RIPOR2: variants seen among roughly 807,000 people sequenced by gnomAD.
RIPOR2 encodes rho family-interacting cell polarization regulator 2.
In RIPOR2, 39 loss-of-function variants were observed where a neutral mutation model predicts 114.5. That is an observed-to-expected ratio of 0.34 (90% CI 0.26 to 0.44). RIPOR2 has a LOEUF of 0.44. RIPOR2 is among the 20% of genes least tolerant of loss of function. RIPOR2 has a pLI of 1.00. For synonymous variants in RIPOR2, 445 were observed against 484.4 expected, an observed-to-expected ratio of 0.92 and a Z score of 1.07; for missense variants, 1,007 against 1,255.1, an observed-to-expected ratio of 0.80 and a Z score of 2.99.
chr6:24,931,942 T>C (rs1047051552), intron 1 of RIPOR2: 8 of 152,238 alleles, frequency 5.3e-5, no homozygotes, highest in Non-Finnish European at 1.0e-4. Context: ...TCTGTTCTGT[T>C]CTTGAAAGCA....
intron 1 of RIPOR2, among the ~76,000 whole-genome samples, chr6:25,014,037 G>A (rs888355920): frequency 4.6e-5 from 7 of 152,108 alleles, no homozygotes; most frequent in Non-Finnish European, 8.8e-5. Context: ...TCTCTCTTAC[G>A]GTTACCCCTC....
intron 1 of RIPOR2, among the ~76,000 whole-genome samples, chr6:25,001,968 G>T (rs1050367414): frequency 2.0e-5 from 3 of 151,802 alleles, no homozygotes; most frequent in African/African-American, 7.2e-5. Flanking sequence ...TCAGCCTCCC[G>T]AAGTGCTGGC....
chr6:24,987,293 A>C (rs549813347), intron 1 of RIPOR2, among the ~76,000 whole-genome samples: 1 of 152,322 alleles, frequency 6.6e-6, no homozygotes, highest in East Asian at 1.9e-4. Flanking sequence ...TGTGACTTAC[A>C]TGCCAGCAAG....
chr6:24,842,989 G>A lies in RIPOR2; in HGVS notation c.1730C>T (p.Ser577Phe). The part of the protein sequence containing the change: ...SVGGESEGCR[S>F]FLDGSLEDAF... Reference sequence around the variant, plus strand: ...ATCCTCTAAGCTTCCATCTAGAAAGGATCTGCAGCCTTCAGATTCTCCACC... The same window carrying A: ...ATCCTCTAAGCTTCCATCTAGAAAGAATCTGCAGCCTTCAGATTCTCCACC... Residue 577 changes from serine to phenylalanine, a missense_variant, in exon 13 of 22, where the codon TCC (serine) becomes TTC (phenylalanine). Transcript: ENST00000643898. 6.3e-7 allele frequency: 1 copy of A among 1,582,448 alleles called. No individual in the cohort carries two copies. Among genetic ancestry groups the A allele is most frequent in the African/African-American group, 1.4e-5 (1 of 73,822 alleles).
chr6:25,041,164 T>G (rs1415192746), intron 1 of RIPOR2, among the ~76,000 whole-genome samples: 2 of 152,234 alleles, frequency 1.3e-5, no homozygotes, highest in African/African-American at 4.8e-5. Context: ...TCACTCATTC[T>G]TCTTAGCAGC....
chr6:24,968,584 A>T (rs1047260283), intron 1 of RIPOR2, among the ~76,000 whole-genome samples: 1 of 152,170 alleles, frequency 6.6e-6, no homozygotes, highest in African/African-American at 2.4e-5. Context: ...AAAATTGCAG[A>T]GGGGGATGAT....
At chr6:25,016,189 A>T (rs1775993796) in intron 1 of RIPOR2, among the ~76,000 whole-genome samples, 1 of 152,100 alleles carries the variant, frequency 6.6e-6, no homozygotes, top group Non-Finnish European at 1.5e-5. Context: ...TTAAGGCATA[A>T]GCCACCACTC....
chr6:24,983,193 TACAC>T (rs5875016), intron 1 of RIPOR2, among the ~76,000 whole-genome samples: 33 of 147,298 alleles, frequency 2.2e-4, no homozygotes, highest in East Asian at 1.4e-3. Context: ...GTTGAACACG[TACAC>T]ACACACACAC....
chr6:24,934,937 TC>T (rs1771656300), intron 1 of RIPOR2, among the ~76,000 whole-genome samples: 1 of 151,990 alleles, frequency 6.6e-6, no homozygotes, highest in Admixed American at 6.6e-5. Context: ...GGCTCCAGTA[TC>T]CCGACTTGGG....
intron 1 of RIPOR2, among the ~76,000 whole-genome samples, chr6:24,989,306 T>C (rs1046003408): frequency 6.6e-6 from 1 of 151,722 alleles, no homozygotes; most frequent in East Asian, 1.9e-4. Context: ...TTTTTCTTTT[T>C]TTTTTTCGAG....
chr6:25,024,093 GT>G (rs1331140469), intron 1 of RIPOR2: 3 of 784,012 alleles, frequency 3.8e-6, no homozygotes, highest in Non-Finnish European at 4.6e-6. Context: ...GGACCAGCGA[GT>G]ACCAGGTGAG....
rs542869614 is a variant in RIPOR2, at chr6:24,895,110, T to A, written c.62-19293A>T. Among the ~76,000 whole-genome samples the A allele has an allele frequency of 1.8e-4, 28 of 152,208 alleles. 1 individual carries two copies. Among genetic ancestry groups the A allele is most frequent in the Admixed American group, 3.3e-4 (5 of 15,278 alleles). ...CTCTGTCGCCTAGGCTGGTGTGCAG[T>A]GGCACCATCTCGGGTCACTGCAACC... On this transcript the variant is annotated intron_variant, in intron 1 of 21. Transcript: ENST00000643898.
chr6:24,916,650 C>A (rs1770102443), intron 1 of RIPOR2, among the ~76,000 whole-genome samples: 1 of 152,204 alleles, frequency 6.6e-6, no homozygotes, highest in Non-Finnish European at 1.5e-5. Flanking sequence ...GTCTTGCTCA[C>A]CGCTTTCTGA....
intron 1 of RIPOR2, among the ~76,000 whole-genome samples, chr6:24,947,609 T>A (rs1387538025): frequency 6.6e-6 from 1 of 152,058 alleles, no homozygotes; most frequent in Non-Finnish European, 1.5e-5. Context: ...AGAAAGAAGA[T>A]GGTGCAATTC....
intron 1 of RIPOR2, among the ~76,000 whole-genome samples, chr6:24,977,951 C>T (rs1189683547): frequency 1.3e-5 from 2 of 152,130 alleles, no homozygotes; most frequent in African/African-American, 4.8e-5. Flanking sequence ...AACACAAGGG[C>T]AGTCAGGGCC....
intron 1 of RIPOR2, among the ~76,000 whole-genome samples, chr6:24,903,142 T>C (rs1464404060): frequency 1.3e-5 from 2 of 152,150 alleles, no homozygotes; most frequent in East Asian, 3.9e-4. Flanking sequence ...TTTCTCTTTC[T>C]TATCATCTCA....
intron 14 of RIPOR2, among the ~76,000 whole-genome samples, chr6:24,837,955 T>C (rs948469768): frequency 6.6e-6 from 1 of 152,222 alleles, no homozygotes; most frequent in Non-Finnish European, 1.5e-5. Context: ...AAGGTAAAGA[T>C]GAGCGGGCAA....
chr6:24,818,664 T>G (rs1390690050), intron 19 of RIPOR2, 39 bp from the exon 20 acceptor site: 1 of 1,378,718 alleles, frequency 7.3e-7, no homozygotes, highest in Non-Finnish European at 1.0e-6. Flanking sequence ...GCATTTTGGT[T>G]TGTTCGTAGT....
intron 5 of RIPOR2, 100 bp downstream of exon 5, chr6:24,870,766 G>T (rs143347427): frequency 1.3e-6 from 1 of 795,646 alleles, no homozygotes; most frequent in South Asian, 1.6e-5. Flanking sequence ...CACCCACCTC[G>T]GCCTCCCAAA....
Sources: gnomAD v4.1 joint callset for allele counts (sites outside exome capture counted in the v4.1 genomes callset) on GRCh38, gnomAD v4.1.1 for gene constraint, MANE v1.5 for transcripts, NCBI Gene and HGNC (gene_info 2026-07-23, HGNC 2026-07-21) for gene names.